GNA12: variants seen among roughly 807,000 people sequenced by gnomAD.
GNA12 encodes the protein guanine nucleotide-binding protein subunit alpha-12.
GNA12 carries 9 observed loss-of-function variants against 26.0 expected under a neutral mutation model. The observed-to-expected ratio is 0.35, with a 90% CI of 0.21 to 0.60. The LOEUF (loss-of-function observed/expected upper bound fraction) is 0.60. Among genes scored for constraint, GNA12 ranks in the 20% least tolerant of loss-of-function variants. The pLI, the probability that GNA12 is intolerant of heterozygous loss-of-function variation, is 0.78. For synonymous variants in GNA12, 264 were observed against 219.6 expected (o/e 1.20, Z -1.79); for missense variants, 405 against 525.8 (o/e 0.77, Z 2.25).
At chr7:2,835,204 G>C (rs1778800374) in intron 1 of GNA12, among the ~76,000 whole-genome samples, 1 of 152,150 alleles carries the variant, frequency 6.6e-6, no homozygotes, top group Non-Finnish European at 1.5e-5. Flanking sequence ...AGCACTGTGA[G>C]ATAAATCTAA....
intron 2 of GNA12, among the ~76,000 whole-genome samples, chr7:2,737,264 G>GTTTTTTTTTTTTTTTTTTTTTTTTTTT (rs201866976): frequency 1.9e-5 from 1 of 52,452 alleles, no homozygotes. Context: ...CTATCTCACA[G>GTTTTTTTTTTTTTTTTTTTTTTTTTTT]TTTTGTTTTG....
rs898448299 is a variant in GNA12 at position 2,728,339 on chromosome 7, G to GT, written c.*2841dup. On this transcript the variant is annotated 3_prime_UTR_variant, in exon 4 of 4. Coordinates refer to ENST00000275364, the MANE Select transcript of GNA12 (RefSeq NM_007353.3). ...TACAACTAATAATCTTCTTTCAAGA[G>GT]TTTTTTTTTTCAATCTTGGAGTTAA... is the stretch of plus-strand genomic sequence containing the variant. 34 of 149,586 alleles carry GT rather than the reference G, an allele frequency of 2.3e-4. No individual in the cohort carries two copies. Among genetic ancestry groups the GT allele is most frequent in the South Asian group, 6.4e-4 (3 of 4,720 alleles). 9.3% of individuals were successfully genotyped at this position (149,586 alleles called of 1,614,324 possible).
At chr7:2,806,473 A>AG (rs1043736996) in intron 1 of GNA12, among the ~76,000 whole-genome samples, 1 of 151,242 alleles carries the variant, frequency 6.6e-6, no homozygotes, top group African/African-American at 2.4e-5. Flanking sequence ...AAAAAAAAAA[A>AG]AAAAAGAAAA....
chr7:2,789,578 A>T (rs1439546924), intron 2 of GNA12, among the ~76,000 whole-genome samples: 1 of 152,128 alleles, frequency 6.6e-6, no homozygotes, highest in Non-Finnish European at 1.5e-5. Context: ...GGCCGCAGAG[A>T]ACGCTGTGAC....
At position 2,833,928 on chromosome 7, in the gene GNA12, C is replaced by CA. The variant is rs200328213; in HGVS notation, c.309+9924dup. 4.7e-3 allele frequency among the ~76,000 whole-genome samples: 702 copies of CA among 150,230 alleles called. 7 individuals are homozygous for CA. Among genetic ancestry groups the CA allele is most frequent in the African/African-American group, 0.016 (648 of 40,966 alleles). ...ACATGTGATACAGCAAACAATTCTT[C>CA]AAAAAAAAAATTTAATTTCCAAAAT... is the stretch of plus-strand genomic sequence containing the variant. On this transcript the variant is annotated intron_variant, in intron 1 of 3. Coordinates refer to ENST00000275364, the MANE Select transcript of GNA12 (RefSeq NM_007353.3).
chr7:2,758,472 C>T (rs775972090), intron 2 of GNA12, among the ~76,000 whole-genome samples: 97 of 152,246 alleles, frequency 6.4e-4, no homozygotes, highest in Middle Eastern at 3.4e-3. Flanking sequence ...CAATGACACA[C>T]GCCCTGTGCA....
At chr7:2,801,134 G>A (rs1023147007) in intron 1 of GNA12, among the ~76,000 whole-genome samples, 4 of 152,090 alleles carry the variant, frequency 2.6e-5, no homozygotes, top group Non-Finnish European at 5.9e-5. Flanking sequence ...CTTGGATGGG[G>A]TTTCAGCCTC....
chr7:2,817,126 G>T (rs1226793507), intron 1 of GNA12, among the ~76,000 whole-genome samples: 1 of 152,128 alleles, frequency 6.6e-6, no homozygotes, highest in Non-Finnish European at 1.5e-5. Flanking sequence ...TTATTTTTGA[G>T]ACAGAGTCTC....
At chr7:2,780,810 G>C (rs190973916) in intron 2 of GNA12, among the ~76,000 whole-genome samples, 1 of 152,208 alleles carries the variant, frequency 6.6e-6, no homozygotes, top group East Asian at 1.9e-4. Context: ...GGAACATTTG[G>C]ATTTTTTCAA....
chr7:2,826,790 G>C (rs991365154), intron 1 of GNA12, among the ~76,000 whole-genome samples: 2 of 152,198 alleles, frequency 1.3e-5, no homozygotes, highest in Non-Finnish European at 2.9e-5. Context: ...GGGGAGACAG[G>C]GAAGGAGGGA....
At chr7:2,783,766 C>A (rs1003322931) in intron 2 of GNA12, among the ~76,000 whole-genome samples, 1 of 151,896 alleles carries the variant, frequency 6.6e-6, no homozygotes, top group Non-Finnish European at 1.5e-5. Flanking sequence ...CTCACTGCAA[C>A]CTGCGCCTCC....
At chr7:2,779,181 G>T (rs1792156817) in intron 2 of GNA12, among the ~76,000 whole-genome samples, 1 of 151,996 alleles carries the variant, frequency 6.6e-6, no homozygotes, top group Non-Finnish European at 1.5e-5. Flanking sequence ...CAACATGGCT[G>T]TTTCTCTACA....
intron 2 of GNA12, among the ~76,000 whole-genome samples, chr7:2,739,655 G>GA (rs1246898736): frequency 6.6e-6 from 1 of 152,134 alleles, no homozygotes; most frequent in Non-Finnish European, 1.5e-5. Flanking sequence ...ACCTAGGAGT[G>GA]AAACTGTAGC....
At chr7:2,831,453 GAGTGC>G (rs34790156) in intron 1 of GNA12, among the ~76,000 whole-genome samples, 33,938 of 148,108 alleles carry the variant, frequency 0.23, 4,596 homozygotes, top group Non-Finnish European at 0.29. Context: ...GCCCAGGCTG[GAGTGC>G]AGTGGCGCGA....
Position 2,796,053 on chromosome 7 carries a change from G to C in GNA12, c.310-910C>G, listed in dbSNP as rs1011052726. Among the ~76,000 whole-genome samples, 2 of 151,688 alleles carry C rather than the reference G, an allele frequency of 1.3e-5. 1 individual carries two copies. Among genetic ancestry groups the C allele is most frequent in the Non-Finnish European group, 2.9e-5 (2 of 67,904 alleles). On this transcript the variant is annotated intron_variant, in intron 1 of 3. Transcript: ENST00000275364. ...CTAATTTTTGTATTTTTAGTAGAGA[G>C]GGGGGTTCCACCATGTTGTCCAGCC...
Position 2,824,317 on chromosome 7 carries a change from G to A in GNA12, c.309+19536C>T, listed in dbSNP as rs1057226064. Among the ~76,000 whole-genome samples the A allele has an allele frequency of 3.3e-5, 5 of 152,058 alleles. No homozygotes were observed. In the East Asian group the frequency reaches 5.8e-4, roughly 18 times the overall value. ...CCTCACACACAGAGTTAAGGCCCGC[G>A]TCTTCCCAGTGGCCTGCACCCGCCT... On this transcript the variant is annotated intron_variant, in intron 1 of 3. Coordinates refer to ENST00000275364, the MANE Select transcript of GNA12 (RefSeq NM_007353.3).
In GNA12 at chr7:2,730,406, C is replaced by G. The variant is rs1244879378; in HGVS notation, c.*775G>C. 6.6e-6 allele frequency: 1 copy of G among 152,522 alleles called. No homozygotes were observed. The highest frequency in any genetic ancestry group is 2.1e-4 in the South Asian group (1 of 4,828). 9.4% of individuals were successfully genotyped at this position (152,522 alleles called of 1,614,324 possible). A position where few individuals can be genotyped will look rare whatever the true frequency, so the allele number is the denominator to read the frequency against. On this transcript the variant is annotated 3_prime_UTR_variant, in exon 4 of 4. Coordinates refer to ENST00000275364, the MANE Select transcript of GNA12 (RefSeq NM_007353.3). ...GCGGCAGTCACCGTGGGCATCCTGTCTCACTCCGTGTTGTGCTGCTGGGCA... is the reference window on the plus strand; with the variant it reads ...GCGGCAGTCACCGTGGGCATCCTGTGTCACTCCGTGTTGTGCTGCTGGGCA...
At chr7:2,732,408 G>A (rs1037121835) in intron 3 of GNA12, among the ~76,000 whole-genome samples, 1 of 152,106 alleles carries the variant, frequency 6.6e-6, no homozygotes, top group Non-Finnish European at 1.5e-5. Flanking sequence ...TTAGCTGGGC[G>A]TGGTGCCTCA....
intron 1 of GNA12, among the ~76,000 whole-genome samples, chr7:2,822,278 T>C (rs996403686): frequency 6.6e-6 from 1 of 152,196 alleles, no homozygotes; most frequent in Non-Finnish European, 1.5e-5. Flanking sequence ...CATGTCAGGC[T>C]TCACTGGGCA....
Sources: allele counts gnomAD v4.1 joint callset (sites outside exome capture counted in the v4.1 genomes callset), GRCh38; gene constraint gnomAD v4.1.1; transcripts MANE v1.5; gene names NCBI Gene and HGNC (gene_info 2026-07-23, HGNC 2026-07-21).